The following RAD50 variants were observed in gnomAD, a reference collection of about 807,000 sequenced individuals.
The protein encoded by RAD50 is RAD50 double strand break repair protein.
In RAD50, 132 loss-of-function variants were observed where a neutral mutation model predicts 168.8. The ratio of observed to expected loss-of-function variants is 0.78; its 90% confidence interval spans 0.68 to 0.90. The LOEUF (loss-of-function observed/expected upper bound fraction) is 0.90. RAD50 is among the 40% of genes least tolerant of loss of function. The pLI, the probability that RAD50 is intolerant of heterozygous loss-of-function variation, is 0.00. For synonymous variants in RAD50, 525 were observed against 497.4 expected (o/e 1.06, Z -0.74); for missense variants, 1,347 against 1,534.4 (o/e 0.88, Z 2.04).
intron 21 of RAD50, among the ~76,000 whole-genome samples, chr5:132,631,414 C>G (rs914709779): frequency 1.3e-5 from 2 of 152,184 alleles, no homozygotes; most frequent in Admixed American, 1.3e-4. Flanking sequence ...GCCACCTCAC[C>G]TGGCCTCTCA....
chr5:132,642,874 T>C lies in RAD50; in HGVS notation c.*510T>C. The C allele has an allele frequency of 2.6e-6, 1 of 381,376 alleles. No individual in the cohort carries two copies. Among genetic ancestry groups the C allele is most frequent in the Non-Finnish European group, 5.3e-6 (1 of 189,636 alleles). The allele number at this position is 381,376 out of a possible 1,614,324, so 23.6% of individuals were successfully genotyped here. On this transcript the variant is annotated 3_prime_UTR_variant, in exon 25 of 25. Coordinates refer to ENST00000378823, the MANE Select transcript of RAD50 (RefSeq NM_005732.4). Reference sequence around the variant, plus strand: ...TTTTAACTTTATAAATCCAGTGACCTCTCTCTCTGGGACTTGGTTTCCCCA... The same window carrying C: ...TTTTAACTTTATAAATCCAGTGACCCCTCTCTCTGGGACTTGGTTTCCCCA...
At chr5:132,565,571 G>A (rs561393022) in intron 2 of RAD50, among the ~76,000 whole-genome samples, 1 of 152,104 alleles carries the variant, frequency 6.6e-6, no homozygotes, top group Non-Finnish European at 1.5e-5. Flanking sequence ...CTGATACCAG[G>A]TGGCCTCTTG....
chr5:132,596,398 T>A (rs1750792732), intron 13 of RAD50, among the ~76,000 whole-genome samples: 1 of 152,230 alleles, frequency 6.6e-6, no homozygotes, highest in African/African-American at 2.4e-5. Context: ...TTTTCACAGA[T>A]TTAGGACTGT....
intron 2 of RAD50, among the ~76,000 whole-genome samples, chr5:132,560,097 G>A (rs932222849): frequency 6.0e-5 from 9 of 151,162 alleles, no homozygotes; most frequent in African/African-American, 1.9e-4. Flanking sequence ...TAGTTTATTC[G>A]TTTTTAGTGG....
chr5:132,613,273 T>G (rs899040237), intron 19 of RAD50, among the ~76,000 whole-genome samples: 2 of 152,122 alleles, frequency 1.3e-5, no homozygotes, highest in Non-Finnish European at 2.9e-5. Flanking sequence ...TTAACTGCCT[T>G]TCTCAGTTTT....
intron 15 of RAD50, among the ~76,000 whole-genome samples, 181 bp from the exon 16 acceptor site, chr5:132,604,625 G>A (rs1008583390): frequency 6.6e-6 from 1 of 152,118 alleles, no homozygotes; most frequent in African/African-American, 2.4e-5. Context: ...TGAGTGGCCA[G>A]CAGGGAACAT....
intron 21 of RAD50, among the ~76,000 whole-genome samples, chr5:132,625,481 C>T (rs1000052809): frequency 5.9e-5 from 9 of 152,166 alleles, no homozygotes; most frequent in African/African-American, 2.2e-4. Context: ...TGCAGGCATA[C>T]AATGCATAAT....
chr5:132,565,689 C>T (rs1028607103), intron 2 of RAD50, among the ~76,000 whole-genome samples: 3 of 152,146 alleles, frequency 2.0e-5, no homozygotes, highest in Non-Finnish European at 4.4e-5. Context: ...TGCAAGAATG[C>T]CGTCTCTACT....
intron 2 of RAD50, among the ~76,000 whole-genome samples, chr5:132,565,643 T>A (rs1750194523): frequency 6.6e-6 from 1 of 152,162 alleles, no homozygotes; most frequent in African/African-American, 2.4e-5. Context: ...AGAGGGTCAC[T>A]CTTCTCAGTC....
intron 10 of RAD50, 82 bp downstream of exon 10, chr5:132,591,488 G>A (rs551972656): frequency 1.5e-6 from 2 of 1,355,766 alleles, no homozygotes; most frequent in South Asian, 2.5e-5. Flanking sequence ...TAGACTATAA[G>A]GTATTAAGTT....
chr5:132,575,664 A>T (rs535556592), intron 2 of RAD50, 113 bp from the exon 3 acceptor site: 7 of 955,076 alleles, frequency 7.3e-6, no homozygotes, highest in South Asian at 1.4e-5. Context: ...CTCATTTTGG[A>T]TGTTTTTCTT....
intron 21 of RAD50, among the ~76,000 whole-genome samples, chr5:132,623,236 T>C (rs763323718): frequency 1.1e-4 from 16 of 152,188 alleles, no homozygotes; most frequent in Non-Finnish European, 1.9e-4. Context: ...CCCAGCACTT[T>C]GGGAGACCGA....
intron 21 of RAD50, among the ~76,000 whole-genome samples, chr5:132,628,229 C>T (rs77938113): frequency 0.041 from 6,205 of 152,124 alleles, 357 homozygotes; most frequent in African/African-American, 0.13. Context: ...AGCATATCCA[C>T]GGCATTTAAC....
intron 2 of RAD50, 35 bp from the exon 3 acceptor site, chr5:132,575,742 A>G (rs759212608): frequency 3.9e-6 from 6 of 1,550,674 alleles, no homozygotes; most frequent in Non-Finnish European, 4.5e-6. Context: ...TGCTTATTAA[A>G]GTAACATAAG....
At position 132,592,721 on chromosome 5, in the gene RAD50, C is replaced by T. The variant is rs1389918648; in HGVS notation, c.1793+687C>T. On this transcript the variant is annotated intron_variant, in intron 11 of 24. Transcript: ENST00000378823. ...TGCTTTTGCTTTGACTGGACCACTT[C>T]CACCACTTGTTAGCCATTGCTTTCA... The T allele has an allele frequency of 1.6e-5, 7 of 429,456 alleles. No individual in the cohort carries two copies. In the Admixed American group the frequency reaches 1.7e-4, roughly 10 times the overall value. 26.6% of individuals were successfully genotyped at this position (429,456 alleles called of 1,614,324 possible).
At chr5:132,583,965 G>A (rs1750551081) in intron 5 of RAD50, among the ~76,000 whole-genome samples, 1 of 152,084 alleles carries the variant, frequency 6.6e-6, no homozygotes, top group African/African-American at 2.4e-5. Flanking sequence ...CCAAAGTGCT[G>A]GGATTACAGG....
chr5:132,557,247 C>T lies in RAD50; in HGVS notation c.-78C>T, dbSNP rs557456898. On this transcript the variant is annotated 5_prime_UTR_variant, in exon 1 of 25. Coordinates refer to ENST00000378823, the MANE Select transcript of RAD50 (RefSeq NM_005732.4). ...CCCTGAGATTCGCGGGTCTCACGTCCCGTGCACGCCTTGCTTCGGCCTCAG... is the reference window on the plus strand; with the variant it reads ...CCCTGAGATTCGCGGGTCTCACGTCTCGTGCACGCCTTGCTTCGGCCTCAG... 104 of 1,565,772 alleles carry T rather than the reference C, an allele frequency of 6.6e-5. No individual in the cohort carries two copies. Among genetic ancestry groups the T allele is most frequent in the Non-Finnish European group, 7.7e-5 (88 of 1,136,340 alleles).
At position 132,642,663 on chromosome 5, in the gene RAD50, GC is replaced by G; in HGVS notation, c.*300del. On this transcript the variant is annotated 3_prime_UTR_variant, in exon 25 of 25. Coordinates refer to ENST00000378823, the MANE Select transcript of RAD50 (RefSeq NM_005732.4). ...CTGTGCCTCCCTCCCCAGTGCAAAT[GC>G]ATGCTTCTTCTCAAAGCACTGTTGA... 1 of 469,644 alleles carries G rather than the reference GC, an allele frequency of 2.1e-6. No individual in the cohort carries two copies. The highest frequency in any genetic ancestry group is 1.9e-5 in the African/African-American group (1 of 51,848). The allele number at this position is 469,644 out of a possible 1,614,324, so 29.1% of individuals were successfully genotyped here. A position where few individuals can be genotyped will look rare whatever the true frequency, so the allele number is the denominator to read the frequency against.
intron 7 of RAD50, 21 bp downstream of exon 7, chr5:132,588,110 G>T: frequency 1.2e-6 from 2 of 1,600,490 alleles, no homozygotes; most frequent in South Asian, 1.1e-5. Context: ...ATGTTTATTT[G>T]GTCGTTTTTC....
Sources: gnomAD v4.1 joint callset for allele counts (sites outside exome capture counted in the v4.1 genomes callset) on GRCh38, gnomAD v4.1.1 for gene constraint, MANE v1.5 for transcripts, NCBI Gene and HGNC (gene_info 2026-07-23, HGNC 2026-07-21) for gene names.